The following PRSS38 variants were observed in gnomAD, a reference collection of about 807,000 sequenced individuals.
PRSS38 encodes marapsin 2.
In PRSS38, 22 loss-of-function variants were observed where a neutral mutation model predicts 26.8. The observed-to-expected ratio is 0.82, with a 90% CI of 0.59 to 1.17. The LOEUF (loss-of-function observed/expected upper bound fraction) is 1.17, where lower values mean the gene tolerates loss of function less well. Ranked by LOEUF, PRSS38 falls within the 50% of genes most tolerant of loss-of-function variation. The pLI is 0.00. For missense variants in PRSS38, 427 were observed against 422.7 expected, an observed-to-expected ratio of 1.01 and a Z score of -0.09; for synonymous variants, 175 against 172.1, an observed-to-expected ratio of 1.02 and a Z score of -0.13.
At chr1:227,826,268 A>G (rs1665072589) in intron 3 of PRSS38, among the ~76,000 whole-genome samples, 1 of 152,198 alleles carries the variant, frequency 6.6e-6, no homozygotes, top group African/African-American at 2.4e-5. Context: ...TTACCAGCTT[A>G]AGAAGCTTTT....
chr1:227,815,896 T>G, intron 1 of PRSS38, 32 bp downstream of exon 1: 1 of 1,575,306 alleles, frequency 6.3e-7, no homozygotes, highest in Non-Finnish European at 8.7e-7. Context: ...GATGGGCGGC[T>G]GGAGACAGTG....
chr1:227,827,487 T>C (rs1665091745), intron 3 of PRSS38, among the ~76,000 whole-genome samples: 1 of 152,182 alleles, frequency 6.6e-6, no homozygotes, highest in Admixed American at 6.5e-5. Context: ...GAAGTGTTTA[T>C]AGTGTTCTCT....
chr1:227,832,965 T>C (rs375320658), intron 3 of PRSS38, among the ~76,000 whole-genome samples: 1 of 152,184 alleles, frequency 6.6e-6, no homozygotes, highest in South Asian at 2.1e-4. Flanking sequence ...CCTATAATAA[T>C]GTATCCAAGG....
chr1:227,822,612 A>T (rs1245114892), intron 3 of PRSS38, among the ~76,000 whole-genome samples: 1 of 152,210 alleles, frequency 6.6e-6, no homozygotes, highest in Non-Finnish European at 1.5e-5. Context: ...ATCCTTTCTC[A>T]TGTGTGGTCA....
chr1:227,823,656 A>AGGG (rs1665032645), intron 3 of PRSS38, among the ~76,000 whole-genome samples: 1 of 152,164 alleles, frequency 6.6e-6, no homozygotes, highest in Non-Finnish European at 1.5e-5. Context: ...CTAATGTTTA[A>AGGG]GAGCCTAACA....
intron 4 of PRSS38, 94 bp downstream of exon 4, chr1:227,845,706 G>A (rs1252539106): frequency 5.5e-6 from 8 of 1,441,886 alleles, no homozygotes; most frequent in South Asian, 1.3e-5. Context: ...TGACTAGCAG[G>A]AGCCCTGCAG....
Position 227,815,714 on chromosome 1 carries a change from C to G in PRSS38, c.-3C>G, listed in dbSNP as rs767112649. ...ACCCGCTGGGGGCGCTGCCTCGAGCCTCATGGCTGCCCCTGCTTCCGTCAT... is the reference window on the plus strand; with the variant it reads ...ACCCGCTGGGGGCGCTGCCTCGAGCGTCATGGCTGCCCCTGCTTCCGTCAT... On this transcript the variant is annotated 5_prime_UTR_variant, in exon 1 of 5. Coordinates refer to ENST00000366757, the Ensembl canonical transcript of PRSS38. 5 of 1,582,688 alleles carry G rather than the reference C, an allele frequency of 3.2e-6. No homozygotes were observed. The South Asian group carries it at 5.6e-5, about 18-fold the overall frequency.
intron 3 of PRSS38, among the ~76,000 whole-genome samples, chr1:227,844,792 G>A (rs940258772): frequency 6.7e-6 from 1 of 149,210 alleles, no homozygotes; most frequent in Non-Finnish European, 1.5e-5. Flanking sequence ...AGTGTTCAGG[G>A]TTCCTCCCTG....
chr1:227,817,584 G>T, intron 3 of PRSS38, 104 bp downstream of exon 3: 1 of 1,114,112 alleles, frequency 9.0e-7, no homozygotes, highest in South Asian at 1.5e-5. Flanking sequence ...TTTGGGGACT[G>T]GAATCCCCAC....
intron 3 of PRSS38, among the ~76,000 whole-genome samples, chr1:227,842,497 G>C (rs1011500849): frequency 6.6e-6 from 1 of 152,250 alleles, no homozygotes; most frequent in Admixed American, 6.5e-5. Context: ...CAATCCAACA[G>C]GGAAACTAGA....
At chr1:227,843,374 C>A (rs1474077970) in intron 3 of PRSS38, among the ~76,000 whole-genome samples, 1 of 152,176 alleles carries the variant, frequency 6.6e-6, no homozygotes, top group Non-Finnish European at 1.5e-5. Context: ...CCACACCCAA[C>A]AAATCTTTGA....
At position 227,816,901 on chromosome 1, in the gene PRSS38, C is replaced by G. The variant is rs1254287288; in HGVS notation, c.312-308C>G. Among the ~76,000 whole-genome samples the G allele has an allele frequency of 6.6e-6, 1 of 152,262 alleles. No individual in the cohort carries two copies. The highest frequency in any genetic ancestry group is 1.5e-5 in the Non-Finnish European group (1 of 68,050). On this transcript the variant is annotated intron_variant, in intron 2 of 4. Transcript: ENST00000366757. The surrounding 1 kb of genome is among the most constrained non-coding windows in gnomAD (Gnocchi z 5.1). ...GCACGCCTCTCCTGTGGCCATCTGG[C>G]CTCCAGAGGGATGTGTGCAACCAGG...
At chr1:227,827,806 T>C (rs925699474) in intron 3 of PRSS38, among the ~76,000 whole-genome samples, 2 of 152,142 alleles carry the variant, frequency 1.3e-5, no homozygotes, top group African/African-American at 4.8e-5. Flanking sequence ...CAGATCTTTC[T>C]AGCTTTTTGA....
intron 3 of PRSS38, 53 bp downstream of exon 3, chr1:227,817,533 A>C: frequency 6.3e-7 from 1 of 1,576,608 alleles, no homozygotes; most frequent in Non-Finnish European, 8.7e-7. Context: ...CTCTTCCACC[A>C]CAGGGAAGAA....
chr1:227,827,677 A>G (rs7415634), intron 3 of PRSS38, among the ~76,000 whole-genome samples: 49,268 of 149,516 alleles, frequency 0.33, 9,614 homozygotes, highest in Middle Eastern at 0.47. Context: ...AGGGTTTTCC[A>G]TGTCTCTCTC....
intron 3 of PRSS38, among the ~76,000 whole-genome samples, chr1:227,828,828 T>C (rs1427412911): frequency 1.3e-5 from 2 of 152,192 alleles, no homozygotes; most frequent in Non-Finnish European, 2.9e-5. Flanking sequence ...ACAAAACTCC[T>C]GGGTCTCCGT....
intron 3 of PRSS38, among the ~76,000 whole-genome samples, chr1:227,823,668 C>G (rs1009085791): frequency 6.6e-6 from 1 of 152,150 alleles, no homozygotes; most frequent in African/African-American, 2.4e-5. Flanking sequence ...AGCCTAACAT[C>G]TCTCTTACTT....
intron 3 of PRSS38, among the ~76,000 whole-genome samples, chr1:227,837,064 C>T (rs1448513331): frequency 1.3e-5 from 2 of 152,194 alleles, no homozygotes; most frequent in African/African-American, 2.4e-5. Flanking sequence ...AGTCATAGTT[C>T]ACTGCCGCCT....
At chr1:227,835,221 C>A (rs1665221805) in intron 3 of PRSS38, among the ~76,000 whole-genome samples, 1 of 152,184 alleles carries the variant, frequency 6.6e-6, no homozygotes, top group South Asian at 2.1e-4. Context: ...TCGTTCATTG[C>A]TGGTGGGAAT....
Sources: gnomAD v4.1 joint callset for allele counts (sites outside exome capture counted in the v4.1 genomes callset) on GRCh38, gnomAD v4.1.1 for gene constraint, Gnocchi (gnomAD v3.1) non-coding constraint, MANE v1.5 for transcripts, NCBI Gene and HGNC (gene_info 2026-07-23, HGNC 2026-07-21) for gene names.